Variants in SPATA16 observed in about 807,000 individuals in gnomAD.
SPATA16 encodes the protein spermatogenesis associated 16, also known as spermatogenesis-associated protein 16.
SPATA16 carries 36 observed loss-of-function variants against 63.3 expected under a neutral mutation model. The ratio of observed to expected loss-of-function variants is 0.57; its 90% CI spans 0.44 to 0.75. The LOEUF is 0.75. Among genes scored for constraint, SPATA16 ranks in the 30% least tolerant of loss-of-function variants. The pLI, the probability that SPATA16 is intolerant of heterozygous loss-of-function variation, is 0.00. For synonymous variants in SPATA16, 203 were observed against 216.7 expected, an observed-to-expected ratio of 0.94 and a Z score of 0.56; for missense variants, 646 against 679.3, an observed-to-expected ratio of 0.95 and a Z score of 0.54.
At chr3:172,906,602 G>A (rs1208082704) in intron 10 of SPATA16, among the ~76,000 whole-genome samples, 4 of 152,148 alleles carry the variant, frequency 2.6e-5, no homozygotes, top group Non-Finnish European at 5.9e-5. Flanking sequence ...TGGTCACTCA[G>A]GCTGTTTCAG....
At chr3:173,069,270 CAAAT>C (rs1187466449) in intron 2 of SPATA16, among the ~76,000 whole-genome samples, 7 of 151,580 alleles carry the variant, frequency 4.6e-5, no homozygotes, top group African/African-American at 1.7e-4. Context: ...AAAGAAGAGC[CAAAT>C]AAATAAAATT....
Position 172,902,437 on chromosome 3 carries a change from T to A in SPATA16, c.1587+11224A>T, listed in dbSNP as rs185616889. Among the ~76,000 whole-genome samples, 293 of 152,314 alleles carry A rather than the reference T, an allele frequency of 1.9e-3. 2 individuals are homozygous for A. The highest frequency in any genetic ancestry group is 6.6e-3 in the African/African-American group (275 of 41,590). ...GTAGAAGTACTCTATCATAGGTTTT[T>A]AAAAAATGATTTTGACCCCTGTGCC... On this transcript the variant is annotated intron_variant, in intron 10 of 10. Transcript: ENST00000351008.
intron 4 of SPATA16, among the ~76,000 whole-genome samples, chr3:173,010,952 C>A (rs959822433): frequency 1.3e-5 from 2 of 152,008 alleles, no homozygotes; most frequent in African/African-American, 4.8e-5. Flanking sequence ...AAAAAACCTA[C>A]CAACCAAAAA....
chr3:173,120,521 A>T (rs985994563), intron 1 of SPATA16, among the ~76,000 whole-genome samples: 2 of 152,208 alleles, frequency 1.3e-5, no homozygotes, highest in Non-Finnish European at 2.9e-5. Context: ...CTCTACTTCA[A>T]GCACCAGAGG....
chr3:173,075,874 A>C (rs2108310270), intron 2 of SPATA16, among the ~76,000 whole-genome samples: 1 of 152,304 alleles, frequency 6.6e-6, no homozygotes, highest in South Asian at 2.1e-4. Context: ...GGATGACTAT[A>C]ATTAATAATA....
chr3:172,914,896 T>C (rs933994003), intron 9 of SPATA16, among the ~76,000 whole-genome samples: 4 of 151,882 alleles, frequency 2.6e-5, no homozygotes, highest in African/African-American at 7.3e-5. Context: ...AAAAAAAATA[T>C]AGATGTGTGA....
chr3:172,946,476 G>A (rs1476949966), intron 6 of SPATA16, among the ~76,000 whole-genome samples: 1 of 152,148 alleles, frequency 6.6e-6, no homozygotes, highest in East Asian at 1.9e-4. Context: ...TGAAAGGAGA[G>A]ACCCAGCCCT....
chr3:172,915,957 C>T (rs757482794), intron 9 of SPATA16, among the ~76,000 whole-genome samples: 1 of 152,192 alleles, frequency 6.6e-6, no homozygotes, highest in Non-Finnish European at 1.5e-5. Context: ...TTTGTCCTCT[C>T]ACTTTTTCAT....
chr3:172,989,731 T>C (rs537941403), intron 4 of SPATA16, among the ~76,000 whole-genome samples: 1 of 152,328 alleles, frequency 6.6e-6, no homozygotes, highest in East Asian at 1.9e-4. Context: ...CCAGTTAGTA[T>C]TCTGCCCAGG....
At chr3:172,943,192 GA>G (rs901692324) in intron 6 of SPATA16, among the ~76,000 whole-genome samples, 15 of 152,078 alleles carry the variant, frequency 9.9e-5, no homozygotes, top group African/African-American at 3.6e-4. Flanking sequence ...TTAAACGTAA[GA>G]AAAAGGATGC....
At chr3:173,080,300 G>A (rs1312863790) in intron 2 of SPATA16, among the ~76,000 whole-genome samples, 1 of 152,158 alleles carries the variant, frequency 6.6e-6, no homozygotes, top group Non-Finnish European at 1.5e-5. Context: ...TTGCTCAGAG[G>A]GTTGAGTAGT....
chr3:173,092,430 A>C (rs1737247716), intron 2 of SPATA16, among the ~76,000 whole-genome samples: 1 of 152,204 alleles, frequency 6.6e-6, no homozygotes, highest in Non-Finnish European at 1.5e-5. Flanking sequence ...AGGAGAATGA[A>C]AGCTGCACAT....
At chr3:173,022,020 A>AG (rs5854499) in intron 3 of SPATA16, among the ~76,000 whole-genome samples, 16,678 of 151,966 alleles carry the variant, frequency 0.11, 1,098 homozygotes, top group East Asian at 0.14. Context: ...TGTGCTGGGA[A>AG]GGAGGGGTAG....
At chr3:172,911,094 G>A (rs1277861914) in intron 10 of SPATA16, among the ~76,000 whole-genome samples, 1 of 152,212 alleles carries the variant, frequency 6.6e-6, no homozygotes, top group Non-Finnish European at 1.5e-5. Flanking sequence ...CTTCTTCTTT[G>A]CTTCTTGTTT....
intron 2 of SPATA16, among the ~76,000 whole-genome samples, chr3:173,075,860 A>G (rs906425998): frequency 6.6e-6 from 1 of 152,208 alleles, no homozygotes; most frequent in African/African-American, 2.4e-5. Flanking sequence ...TTGGTAGCAC[A>G]ATAGGATGAC....
At chr3:172,972,933 A>T (rs1734080208) in intron 5 of SPATA16, among the ~76,000 whole-genome samples, 1 of 152,186 alleles carries the variant, frequency 6.6e-6, no homozygotes, top group African/African-American at 2.4e-5. Flanking sequence ...ACTTGAGGAC[A>T]AAGGAAATGA....
Position 172,948,714 on chromosome 3 carries a change from C to A in SPATA16, c.1081+7963G>T, listed in dbSNP as rs372381297. Among the ~76,000 whole-genome samples, 15 of 152,216 alleles carry A rather than the reference C, an allele frequency of 9.9e-5. 2 individuals carry two copies. The highest frequency in any genetic ancestry group is 3.3e-4 in the Admixed American group (5 of 15,294). On this transcript the variant is annotated intron_variant, in intron 6 of 10. Coordinates refer to ENST00000351008, the MANE Select transcript of SPATA16 (RefSeq NM_031955.6). ...AACTCCTGGGTTCAAGTGATTCTCC[C>A]ACCTCGGCTTCCAAAGTGTTGGGAT...
At chr3:172,914,893 A>T (rs1732445399) in intron 9 of SPATA16, among the ~76,000 whole-genome samples, 1 of 151,896 alleles carries the variant, frequency 6.6e-6, no homozygotes, top group South Asian at 2.1e-4. Context: ...AAAAAAAAAA[A>T]TATAGATGTG....
At chr3:173,115,829 C>T (rs1737881995) in intron 2 of SPATA16, among the ~76,000 whole-genome samples, 1 of 152,044 alleles carries the variant, frequency 6.6e-6, no homozygotes, top group South Asian at 2.1e-4. Flanking sequence ...TTCACGACAA[C>T]ATCTCACATT....
Sources: gnomAD v4.1 joint callset for allele counts (sites outside exome capture counted in the v4.1 genomes callset) on GRCh38, gnomAD v4.1.1 for gene constraint, MANE v1.5 for transcripts, NCBI Gene and HGNC (gene_info 2026-07-23, HGNC 2026-07-21) for gene names.